WDR70: variants seen among roughly 807,000 people sequenced by gnomAD.
WDR70 encodes WD repeat-containing protein 70.
WDR70 carries 53 observed loss-of-function variants against 88.6 expected under a neutral mutation model. The ratio of observed to expected loss-of-function variants is 0.60; its 90% CI spans 0.48 to 0.75. The LOEUF is 0.75. WDR70 is among the 30% of genes least tolerant of loss of function. WDR70 has a pLI of 0.00. For missense variants in WDR70, 610 were observed against 823.2 expected (o/e 0.74, Z 3.17); for synonymous variants, 280 against 270.0 (o/e 1.04, Z -0.36).
At chr5:37,551,867 G>A (rs1262857102) in intron 9 of WDR70, among the ~76,000 whole-genome samples, 2 of 141,834 alleles carry the variant, frequency 1.4e-5, no homozygotes, top group African/African-American at 5.2e-5. Flanking sequence ...TGCCTCCCGG[G>A]TTCAAGTGAT....
intron 7 of WDR70, among the ~76,000 whole-genome samples, chr5:37,460,689 A>G (rs1277111663): frequency 4.4e-5 from 1 of 22,924 alleles, no homozygotes; most frequent in East Asian, 0.011. Flanking sequence ...TTAGAGTATA[A>G]TAAAAAAAAA....
chr5:37,712,333 T>C (rs1251091708), intron 13 of WDR70, among the ~76,000 whole-genome samples: 2 of 152,254 alleles, frequency 1.3e-5, no homozygotes, highest in African/African-American at 4.8e-5. Flanking sequence ...ACATTTATTT[T>C]AATTGTCTAC....
At chr5:37,463,273 A>G (rs1478126196) in intron 7 of WDR70, among the ~76,000 whole-genome samples, 1 of 10,042 alleles carries the variant, frequency 1.0e-4, no homozygotes, top group African/African-American at 1.0e-4. Flanking sequence ...TTCTGTATCG[A>G]AAAAAAAAAA....
chr5:37,576,864 T>G (rs1743076697), intron 9 of WDR70, among the ~76,000 whole-genome samples: 1 of 152,148 alleles, frequency 6.6e-6, no homozygotes, highest in Non-Finnish European at 1.5e-5. Flanking sequence ...AAAAGATCAT[T>G]TTTATGACAG....
chr5:37,624,885 C>T (rs1470615616), intron 10 of WDR70, among the ~76,000 whole-genome samples: 2 of 152,166 alleles, frequency 1.3e-5, no homozygotes, highest in African/African-American at 2.4e-5. Flanking sequence ...AAGACCCTCT[C>T]TAGAGTGGGA....
intron 10 of WDR70, among the ~76,000 whole-genome samples, chr5:37,635,082 C>A (rs572570682): frequency 2.6e-5 from 4 of 152,168 alleles, no homozygotes; most frequent in African/African-American, 9.6e-5. Context: ...TCTACAGTTC[C>A]CTTGTCTTTT....
chr5:37,495,417 A>G (rs1447921227), intron 8 of WDR70, among the ~76,000 whole-genome samples: 1 of 152,058 alleles, frequency 6.6e-6, no homozygotes, highest in Non-Finnish European at 1.5e-5. Context: ...AAGAGTACAG[A>G]CAGATTACAG....
At chr5:37,735,783 T>C (rs1353871124) in intron 17 of WDR70, among the ~76,000 whole-genome samples, 5 of 152,170 alleles carry the variant, frequency 3.3e-5, no homozygotes, top group African/African-American at 1.2e-4. Flanking sequence ...TGGTTTTTTT[T>C]CTTCACTGCA....
chr5:37,487,465 A>T (rs991272572), intron 8 of WDR70, among the ~76,000 whole-genome samples: 1 of 141,414 alleles, frequency 7.1e-6, no homozygotes, highest in African/African-American at 3.1e-5. Flanking sequence ...TTTATTAATA[A>T]TATATCTAAT....
chr5:37,611,464 A>G (rs1383687547), intron 10 of WDR70, among the ~76,000 whole-genome samples: 2 of 151,998 alleles, frequency 1.3e-5, no homozygotes, highest in South Asian at 2.1e-4. Flanking sequence ...TATTTTCTTT[A>G]TATTTTTCAT....
At chr5:37,611,001 A>G (rs1215498002) in intron 10 of WDR70, among the ~76,000 whole-genome samples, 1 of 152,198 alleles carries the variant, frequency 6.6e-6, no homozygotes, top group African/African-American at 2.4e-5. Flanking sequence ...ATGAAGGAAA[A>G]GTAAAGCAGA....
At chr5:37,478,341 T>C (rs982997850) in intron 7 of WDR70, among the ~76,000 whole-genome samples, 1 of 152,228 alleles carries the variant, frequency 6.6e-6, no homozygotes, top group African/African-American at 2.4e-5. Context: ...TACTGTGGCA[T>C]GTTAGGGACT....
intron 8 of WDR70, among the ~76,000 whole-genome samples, chr5:37,487,015 T>G (rs13163168): frequency 0.26 from 39,626 of 152,076 alleles, 5,755 homozygotes; most frequent in East Asian, 0.48. Flanking sequence ...TTCTCAGGCT[T>G]ATGTAGTCAT....
intron 13 of WDR70, among the ~76,000 whole-genome samples, chr5:37,705,542 C>T (rs1269836429): frequency 6.6e-6 from 1 of 151,784 alleles, no homozygotes; most frequent in Admixed American, 6.6e-5. Flanking sequence ...CAAACAGCAT[C>T]ATTTTTCTGT....
Position 37,442,651 on chromosome 5 carries a change from A to G in WDR70, c.553-588A>G, listed in dbSNP as rs575090925. ...AGCAAATATTTTATGGAACCAATAT[A>G]AGTACTATTATAATGTGATTAGTCA... On this transcript the variant is annotated intron_variant, in intron 6 of 17. Transcript: ENST00000265107. Among the ~76,000 whole-genome samples, 8 of 152,348 alleles carry G rather than the reference A, an allele frequency of 5.3e-5. No individual in the cohort carries two copies. In the East Asian group the frequency reaches 1.5e-3, roughly 29 times the overall value.
chr5:37,471,547 C>A (rs566462429), intron 7 of WDR70, among the ~76,000 whole-genome samples: 1 of 151,062 alleles, frequency 6.6e-6, no homozygotes, highest in African/African-American at 2.4e-5. Flanking sequence ...CATATTCACT[C>A]GCAATTTTTG....
At chr5:37,698,351 T>C (rs1303094146) in intron 11 of WDR70, among the ~76,000 whole-genome samples, 1 of 152,188 alleles carries the variant, frequency 6.6e-6, no homozygotes, top group Non-Finnish European at 1.5e-5. Flanking sequence ...TGGAGAATAG[T>C]GAAGGCAGCA....
chr5:37,725,869 A>T (rs1039010066), intron 16 of WDR70, among the ~76,000 whole-genome samples: 1 of 152,094 alleles, frequency 6.6e-6, no homozygotes, highest in African/African-American at 2.4e-5. Context: ...CCAAACCTTC[A>T]TAAGCTTCCC....
intron 17 of WDR70, among the ~76,000 whole-genome samples, chr5:37,751,241 AT>A (rs1272450758): frequency 2.6e-5 from 4 of 152,254 alleles, no homozygotes; most frequent in African/African-American, 9.6e-5. Context: ...CCAGTTAGGA[AT>A]TCAGCAACTT....
Sources: allele counts gnomAD v4.1 joint callset (sites outside exome capture counted in the v4.1 genomes callset), GRCh38; gene constraint gnomAD v4.1.1; transcripts MANE v1.5; gene names NCBI Gene and HGNC (gene_info 2026-07-23, HGNC 2026-07-21).